CNN1: variants seen among roughly 807,000 people sequenced by gnomAD.
The protein encoded by CNN1 is calponin-1.
CNN1 carries 21 observed loss-of-function variants against 35.3 expected under a neutral mutation model. The observed-to-expected ratio is 0.60, with a 90% CI of 0.42 to 0.86. CNN1 has a LOEUF of 0.86. CNN1 is among the 40% of genes least tolerant of loss of function. The probability of loss-of-function intolerance (pLI) is 0.00; values close to 1 mark genes in which losing one functional copy is unlikely to be tolerated. For synonymous variants in CNN1, 164 were observed against 161.8 expected (o/e 1.01, Z -0.10); for missense variants, 314 against 400.8 (o/e 0.78, Z 1.85).
Position 11,549,445 on chromosome 19 carries a change from G to A in CNN1, c.624G>A (p.Met208Ile), listed in dbSNP as rs746981990. ...PLDQATISLQ[M>I]GTNKGASQAG... ...ACCAGGCGACCATCAGCCTGCAGAT[G>A]GGCACCAACAAAGGAGCCAGCCAGG... Residue 208 changes from methionine to isoleucine, a missense_variant, in exon 6 of 7, where the codon ATG (methionine) becomes ATA (isoleucine). Physicochemically the swap from Met to Ile is conservative, Grantham distance 10. Coordinates refer to ENST00000252456, the MANE Select transcript of CNN1 (RefSeq NM_001299.6). The surrounding 1 kb of genome is among the most constrained non-coding windows in gnomAD (Gnocchi z 5.2). The A allele has an allele frequency of 6.2e-7, 1 of 1,613,920 alleles. No homozygotes were observed. Among genetic ancestry groups the A allele is most frequent in the East Asian group, 2.2e-5 (1 of 44,826 alleles).
intron 2 of CNN1, among the ~76,000 whole-genome samples, chr19:11,546,373 G>A (rs1015823389): frequency 3.4e-5 from 5 of 146,010 alleles, no homozygotes; most frequent in African/African-American, 1.3e-4. Flanking sequence ...ACGGAGTCTC[G>A]CTCTGTCCCC....
chr19:11,546,799 C>T, intron 3 of CNN1, 33 bp from the exon 4 acceptor site: 3 of 1,614,118 alleles, frequency 1.9e-6, no homozygotes, highest in Non-Finnish European at 2.5e-6. Flanking sequence ...ACCTCCCCTC[C>T]CCACCCAGTG....
At position 11,541,907 on chromosome 19, in the gene CNN1, T is replaced by G. The variant is rs550462121; in HGVS notation, c.185+710T>G. 1,097 of 150,332 alleles carry G rather than the reference T, an allele frequency of 7.3e-3. 8 individuals carry two copies. The highest frequency in any genetic ancestry group is 0.012 in the Non-Finnish European group (788 of 67,544). 9.3% of individuals were successfully genotyped at this position (150,332 alleles called of 1,614,324 possible). On this transcript the variant is annotated intron_variant, in intron 2 of 6. Transcript: ENST00000252456. Reference sequence around the variant, plus strand: ...CATGCCCGGTTAATTTTTGTTTTTTTTTTTTTTTTTTCAGTAGAGATGGAG... The same window carrying G: ...CATGCCCGGTTAATTTTTGTTTTTTGTTTTTTTTTTTCAGTAGAGATGGAG...
chr19:11,546,779 A>T, intron 3 of CNN1, 38 bp downstream of exon 3: 5 of 1,614,094 alleles, frequency 3.1e-6, no homozygotes, highest in Non-Finnish European at 4.2e-6. Context: ...CTTGCCCGCA[A>T]GCCCCTCAGA....
intron 4 of CNN1, 39 bp from the exon 5 acceptor site, chr19:11,547,758 G>A: frequency 6.5e-7 from 1 of 1,540,210 alleles, no homozygotes; most frequent in Non-Finnish European, 9.0e-7. Flanking sequence ...GCAGCCTGGA[G>A]GCCCCCTTGT....
intron 2 of CNN1, among the ~76,000 whole-genome samples, chr19:11,544,372 G>T: frequency 6.6e-6 from 1 of 152,158 alleles, no homozygotes; most frequent in East Asian, 1.9e-4. Flanking sequence ...GGGTGTTCAA[G>T]AAACAAGAAG....
chr19:11,547,088 G>GTTT, intron 4 of CNN1, 119 bp downstream of exon 4: 1 of 1,466,942 alleles, frequency 6.8e-7, no homozygotes, highest in African/African-American at 1.4e-5. Context: ...GGATCGGGGA[G>GTTT]CAGGTGCTGT....
Position 11,549,235 on chromosome 19 carries a change from C to T in CNN1, c.502-88C>T, listed in dbSNP as rs920339826. 1.3e-5 allele frequency: 18 copies of T among 1,352,880 alleles called. No homozygotes were observed. Among genetic ancestry groups the T allele is most frequent in the East Asian group, 9.7e-5 (4 of 41,218 alleles). The allele number at this position is 1,352,880 out of a possible 1,614,324, so 83.8% of individuals were successfully genotyped here. A position where few individuals can be genotyped will look rare whatever the true frequency, so the allele number is the denominator to read the frequency against. ...ATAAAAATTGAAAAAAATGATAAAG[C>T]GGCGCCTCATCCTCTCCCATCAGCT... On this transcript the variant is annotated intron_variant, in intron 5 of 6. Transcript: ENST00000252456. The surrounding 1 kb of genome is among the most constrained non-coding windows in gnomAD (Gnocchi z 5.2).
At position 11,549,993 on chromosome 19, in the gene CNN1, G is replaced by C. The variant is rs1452699649; in HGVS notation, c.*198G>C. ...GGGGAAGGGGACCCTCCGCTCTGTA[G>C]TGCTACAGGGTCCAACATAGAGCCG... On this transcript the variant is annotated 3_prime_UTR_variant, in exon 7 of 7. Transcript: ENST00000252456. This position sits in a 1 kb window ranked among gnomAD's most constrained non-coding sequence, Gnocchi z 5.2. The C allele has an allele frequency of 2.7e-6, 2 of 734,932 alleles. No homozygotes were observed. The highest frequency in any genetic ancestry group is 3.6e-5 in the African/African-American group (2 of 55,994). 45.5% of individuals were successfully genotyped at this position (734,932 alleles called of 1,614,324 possible).
Position 11,538,858 on chromosome 19 carries a change from G to C in CNN1, c.-70G>C. On this transcript the variant is annotated 5_prime_UTR_variant, in exon 1 of 7. Transcript: ENST00000252456. ...GTGAGGAGGGAAGAGTGTGCAGACG[G>C]AACTTCAGCCGCTGCCTCTGTTCTC... 1.5e-6 allele frequency: 2 copies of C among 1,338,782 alleles called. No individual in the cohort carries two copies. Among genetic ancestry groups the C allele is most frequent in the Non-Finnish European group, 1.0e-6 (1 of 1,000,538 alleles). 82.9% of individuals were successfully genotyped at this position (1,338,782 alleles called of 1,614,324 possible). A position where few individuals can be genotyped will look rare whatever the true frequency, so the allele number is the denominator to read the frequency against.
chr19:11,539,790 G>T lies in CNN1; in HGVS notation c.63+800G>T, dbSNP rs1448875770. On this transcript the variant is annotated intron_variant, in intron 1 of 6. Transcript: ENST00000252456. ...GGGGGACTGGGTTGGAACCTGGGTC[G>T]AGGGATCTCGGGGCTGGAGGAGGGG... is the stretch of plus-strand genomic sequence containing the variant. 7 of 1,174,086 alleles carry T rather than the reference G, an allele frequency of 6.0e-6. No homozygotes were observed. In the Admixed American group the frequency reaches 1.3e-4, roughly 22 times the overall value. The allele number at this position is 1,174,086 out of a possible 1,614,324, so 72.7% of individuals were successfully genotyped here.
At position 11,546,665 on chromosome 19, in the gene CNN1, C is replaced by T; in HGVS notation, c.186-10C>T. The stretch of plus-strand genomic sequence containing the variant: ...GGACACCTTTCTTACCCCTTCCCCA[C>T]TCTTCTCAGATTCATCAATAAGCTG... On this transcript the variant is annotated splice_polypyrimidine_tract_variant and intron_variant, in intron 2 of 6. Transcript: ENST00000252456. 1 of 1,614,154 alleles carries T rather than the reference C, an allele frequency of 6.2e-7. No individual in the cohort carries two copies.
chr19:11,547,067 G>GCGGGGGCAGGGAT, intron 4 of CNN1, 98 bp downstream of exon 4: 1 of 1,549,292 alleles, frequency 6.5e-7, no homozygotes, highest in Non-Finnish European at 8.8e-7. Context: ...AGGTGGCGGA[G>GCGGGGGCAGGGAT]CGGGGGGCAG....
intron 1 of CNN1, chr19:11,539,331 TGACA>T: frequency 9.1e-7 from 1 of 1,093,712 alleles, no homozygotes. Flanking sequence ...TCCCCCGGCC[TGACA>T]AAGAAATTGG....
intron 2 of CNN1, among the ~76,000 whole-genome samples, chr19:11,544,302 G>A (rs1350236019): frequency 1.3e-5 from 2 of 151,972 alleles, no homozygotes; most frequent in African/African-American, 2.4e-5. Context: ...AGGGCTCAGG[G>A]GACCTGAGGC....
At position 11,546,754 on chromosome 19, in the gene CNN1, A is replaced by G. The variant is rs778640677; in HGVS notation, c.252+13A>G. ...AAATTGGCACCAGGTGAGCCCAGAC[A>G]CAATCTCTTCCATCCTTGCCCGCAA... On this transcript the variant is annotated intron_variant, in intron 3 of 6. Transcript: ENST00000252456. 6.2e-7 allele frequency: 1 copy of G among 1,614,190 alleles called. No homozygotes were observed. The highest frequency in any genetic ancestry group is 8.5e-7 in the Non-Finnish European group (1 of 1,180,028).
Position 11,549,516 on chromosome 19 carries a change from C to A in CNN1, c.649-34C>A. The A allele has an allele frequency of 6.2e-7, 1 of 1,606,190 alleles. No individual in the cohort carries two copies. Among genetic ancestry groups the A allele is most frequent in the Non-Finnish European group, 8.5e-7 (1 of 1,174,644 alleles). On this transcript the variant is annotated intron_variant, in intron 6 of 6. Transcript: ENST00000252456. This position sits in a 1 kb window ranked among gnomAD's most constrained non-coding sequence, Gnocchi z 5.2. Reference sequence around the variant, plus strand: ...ACGCCGTCAAGGCCCAGGACCCTGGCCACCCCACGGCCTGACCACACCACC... The same window carrying A: ...ACGCCGTCAAGGCCCAGGACCCTGGACACCCCACGGCCTGACCACACCACC...
intron 2 of CNN1, among the ~76,000 whole-genome samples, chr19:11,546,116 C>G (rs1184756209): frequency 1.3e-5 from 2 of 152,162 alleles, no homozygotes; most frequent in African/African-American, 4.8e-5. Context: ...ATCCCAGAGA[C>G]TCGGACACAC....
At chr19:11,548,878 TA>T (rs1972649900) in intron 5 of CNN1, among the ~76,000 whole-genome samples, 2 of 151,140 alleles carry the variant, frequency 1.3e-5, no homozygotes, top group African/African-American at 4.9e-5. Flanking sequence ...TAGAACAAAA[TA>T]AAATATAAAA....
Sources: gnomAD v4.1 joint callset for allele counts (sites outside exome capture counted in the v4.1 genomes callset) on GRCh38, gnomAD v4.1.1 for gene constraint, Gnocchi (gnomAD v3.1) non-coding constraint, MANE v1.5 for transcripts, NCBI Gene and HGNC (gene_info 2026-07-23, HGNC 2026-07-21) for gene names.